PAN3: variants seen among roughly 807,000 people sequenced by gnomAD.
The protein encoded by PAN3 is poly(A) specific ribonuclease subunit PAN3.
PAN3 carries 19 observed loss-of-function variants against 96.2 expected under a neutral mutation model. The observed-to-expected ratio is 0.20, with a 90% CI of 0.14 to 0.29. The LOEUF (loss-of-function observed/expected upper bound fraction) is 0.29. Among genes scored for constraint, PAN3 ranks in the 10% least tolerant of loss-of-function variants. The pLI, the probability that PAN3 is intolerant of heterozygous loss-of-function variation, is 1.00. For synonymous variants in PAN3, 433 were observed against 406.6 expected, an observed-to-expected ratio of 1.06 and a Z score of -0.78; for missense variants, 882 against 1,108.1, an observed-to-expected ratio of 0.80 and a Z score of 2.90.
At position 28,243,827 on chromosome 13, in the gene PAN3, T is replaced by G. The variant is rs573770198; in HGVS notation, c.1001-12465T>G. Reference sequence around the variant, plus strand: ...CCTCAGCCTCCTGAGTAGCTGGGATTACAGGTGTGCGCCACCACGCCCAAC... The same window carrying G: ...CCTCAGCCTCCTGAGTAGCTGGGATGACAGGTGTGCGCCACCACGCCCAAC... On this transcript the variant is annotated intron_variant, in intron 6 of 18. Coordinates refer to ENST00000380958, the MANE Select transcript of PAN3 (RefSeq NM_175854.8). Among the ~76,000 whole-genome samples, 5 of 152,256 alleles carry G rather than the reference T, an allele frequency of 3.3e-5. No homozygotes were observed. The East Asian group carries it at 9.7e-4, about 29-fold the overall frequency.
At chr13:28,267,010 A>C in intron 10 of PAN3, 85 bp from the exon 11 acceptor site, 1 of 1,376,996 alleles carries the variant, frequency 7.3e-7, no homozygotes, top group Non-Finnish European at 9.9e-7. Flanking sequence ...AGCAATGTAT[A>C]AATATGGCAA....
At chr13:28,159,837 CAAAAT>C (rs998348572) in intron 1 of PAN3, among the ~76,000 whole-genome samples, 1 of 151,816 alleles carries the variant, frequency 6.6e-6, no homozygotes, top group African/African-American at 2.4e-5. Context: ...ATCTGGGTGA[CAAAAT>C]AATCTGTACA....
intron 6 of PAN3, among the ~76,000 whole-genome samples, chr13:28,251,192 G>T (rs907193609): frequency 6.6e-6 from 1 of 152,046 alleles, no homozygotes; most frequent in Non-Finnish European, 1.5e-5. Context: ...ATTCTTTTGT[G>T]ATGTTTGTCA....
chr13:28,139,256 T>C (rs1328187728), intron 1 of PAN3, among the ~76,000 whole-genome samples, 169 bp downstream of exon 1: 1 of 149,168 alleles, frequency 6.7e-6, no homozygotes, highest in African/African-American at 2.5e-5. Flanking sequence ...TTCTTCCTGC[T>C]TCCCCTCCCC....
At chr13:28,230,510 C>T (rs549846519) in intron 6 of PAN3, among the ~76,000 whole-genome samples, 34 of 151,286 alleles carry the variant, frequency 2.2e-4, no homozygotes, top group African/African-American at 7.3e-4. Flanking sequence ...TAAATTGTTA[C>T]AAAAAAATCA....
At chr13:28,159,534 C>T (rs1335725338) in intron 1 of PAN3, among the ~76,000 whole-genome samples, 5 of 152,136 alleles carry the variant, frequency 3.3e-5, no homozygotes, top group East Asian at 1.9e-4. Flanking sequence ...CTGCAACCTC[C>T]GCCTCCCTGG....
intron 5 of PAN3, among the ~76,000 whole-genome samples, chr13:28,208,074 C>T (rs963538656): frequency 6.6e-6 from 1 of 151,766 alleles, no homozygotes; most frequent in Non-Finnish European, 1.5e-5. Flanking sequence ...GTAAATTTTC[C>T]CTTGGTACAG....
intron 5 of PAN3, among the ~76,000 whole-genome samples, chr13:28,210,185 A>G (rs1351492602): frequency 6.6e-6 from 1 of 152,204 alleles, no homozygotes; most frequent in Non-Finnish European, 1.5e-5. Flanking sequence ...AAACTTTGTA[A>G]AGGATGAGCT....
chr13:28,287,936 C>T, intron 17 of PAN3, 48 bp from the exon 18 acceptor site: 1 of 1,532,626 alleles, frequency 6.5e-7, no homozygotes, highest in South Asian at 1.3e-5. Flanking sequence ...CATATGGCCA[C>T]AGACCATACA....
intron 18 of PAN3, among the ~76,000 whole-genome samples, chr13:28,289,439 A>G (rs1174495220): frequency 6.6e-6 from 1 of 151,948 alleles, no homozygotes; most frequent in Non-Finnish European, 1.5e-5. Flanking sequence ...CACCACACCC[A>G]GCTAATTTTT....
chr13:28,153,470 C>T (rs1871677638), intron 1 of PAN3, among the ~76,000 whole-genome samples: 1 of 151,944 alleles, frequency 6.6e-6, no homozygotes, highest in African/African-American at 2.4e-5. Context: ...ATCTCTTGAC[C>T]TTGTTGTCCT....
At chr13:28,194,392 A>G (rs1017520220) in intron 4 of PAN3, among the ~76,000 whole-genome samples, 1 of 150,000 alleles carries the variant, frequency 6.7e-6, no homozygotes, top group African/African-American at 2.4e-5. Context: ...TCTTAAATTT[A>G]CATATATGTG....
At chr13:28,249,316 G>T (rs1884493557) in intron 6 of PAN3, among the ~76,000 whole-genome samples, 1 of 152,140 alleles carries the variant, frequency 6.6e-6, no homozygotes, top group African/African-American at 2.4e-5. Flanking sequence ...TTTGTATATG[G>T]TATGAAGTAG....
At chr13:28,176,076 T>C (rs1874939391) in intron 2 of PAN3, among the ~76,000 whole-genome samples, 1 of 152,182 alleles carries the variant, frequency 6.6e-6, no homozygotes, top group African/African-American at 2.4e-5. Context: ...ATACCTAATT[T>C]TATAAGCTCT....
intron 6 of PAN3, among the ~76,000 whole-genome samples, chr13:28,247,138 G>A (rs1335509997): frequency 1.3e-5 from 2 of 151,924 alleles, no homozygotes; most frequent in Non-Finnish European, 2.9e-5. Context: ...TGATCTCATT[G>A]TGGTTTTGAT....
chr13:28,185,292 A>C (rs994420291), intron 4 of PAN3, among the ~76,000 whole-genome samples: 14 of 152,160 alleles, frequency 9.2e-5, no homozygotes, highest in African/African-American at 3.1e-4. Context: ...ACTTGCTAAA[A>C]ATATGGTAGT....
intron 6 of PAN3, among the ~76,000 whole-genome samples, chr13:28,223,870 GATTTTTTT>G (rs1881686098): frequency 8.6e-6 from 1 of 115,682 alleles, no homozygotes; most frequent in Non-Finnish European, 1.7e-5. Context: ...CATGAAAAGT[GATTTTTTT>G]TTTTTTTTTT....
chr13:28,183,718 G>A (rs1032860705), intron 4 of PAN3, among the ~76,000 whole-genome samples: 6 of 152,196 alleles, frequency 3.9e-5, no homozygotes, highest in Admixed American at 3.3e-4. Flanking sequence ...AGTTAGATGC[G>A]AGGCAGTCAG....
intron 9 of PAN3, 81 bp downstream of exon 9, chr13:28,261,539 A>G (rs1241215708): frequency 4.6e-6 from 6 of 1,315,282 alleles, no homozygotes; most frequent in African/African-American, 4.4e-5. Context: ...TGCATTATTA[A>G]GAAGAGTTCC....
Sources: gnomAD v4.1 joint callset for allele counts (sites outside exome capture counted in the v4.1 genomes callset) on GRCh38, gnomAD v4.1.1 for gene constraint, MANE v1.5 for transcripts, NCBI Gene and HGNC (gene_info 2026-07-23, HGNC 2026-07-21) for gene names.